PTPN1: variants seen among roughly 807,000 people sequenced by gnomAD.
PTPN1 encodes the protein protein tyrosine phosphatase non-receptor type 1.
PTPN1 carries 12 observed loss-of-function variants against 59.9 expected under a neutral mutation model. The observed-to-expected ratio is 0.20, with a 90% CI of 0.13 to 0.32. PTPN1 has a LOEUF of 0.32. Ranked by LOEUF, PTPN1 falls within the 10% of genes least tolerant of loss-of-function variation. The probability of loss-of-function intolerance (pLI) is 1.00; values close to 1 mark genes in which losing one functional copy is unlikely to be tolerated. For missense variants in PTPN1, 356 were observed against 549.2 expected (o/e 0.65, Z 3.52); for synonymous variants, 178 against 203.6 (o/e 0.87, Z 1.07).
chr20:50,542,511 TG>T (rs2082657462), intron 1 of PTPN1, among the ~76,000 whole-genome samples: 1 of 152,218 alleles, frequency 6.6e-6, no homozygotes, highest in African/African-American at 2.4e-5. Flanking sequence ...CTAACTTAGA[TG>T]TTGTCATTTC....
intron 1 of PTPN1, among the ~76,000 whole-genome samples, chr20:50,525,308 G>A (rs1266499442): frequency 5.3e-5 from 8 of 151,570 alleles, no homozygotes; most frequent in African/African-American, 1.9e-4. Flanking sequence ...CGATCCGCCC[G>A]CCTCGGCCTC....
chr20:50,548,875 A>G (rs967487773), intron 1 of PTPN1, among the ~76,000 whole-genome samples: 9 of 151,858 alleles, frequency 5.9e-5, no homozygotes, highest in Admixed American at 5.3e-4. Flanking sequence ...GTGCCACCAC[A>G]CCTAGCTAAT....
intron 1 of PTPN1, among the ~76,000 whole-genome samples, chr20:50,518,868 A>G (rs940573349): frequency 6.6e-6 from 1 of 152,198 alleles, no homozygotes; most frequent in African/African-American, 2.4e-5. Flanking sequence ...TTTTTGGAGC[A>G]GTCCCCAGAA....
At chr20:50,536,843 A>G (rs1196500802) in intron 1 of PTPN1, among the ~76,000 whole-genome samples, 2 of 152,178 alleles carry the variant, frequency 1.3e-5, no homozygotes, top group Non-Finnish European at 2.9e-5. Flanking sequence ...TCTTGTTAAG[A>G]AATACTTACT....
chr20:50,517,042 CA>C (rs1432795221), intron 1 of PTPN1, among the ~76,000 whole-genome samples: 1 of 152,156 alleles, frequency 6.6e-6, no homozygotes, highest in Non-Finnish European at 1.5e-5. Context: ...TTGACATAAT[CA>C]TGAGTATCTT....
At chr20:50,540,815 C>A (rs1026667631) in intron 1 of PTPN1, among the ~76,000 whole-genome samples, 8 of 152,180 alleles carry the variant, frequency 5.3e-5, no homozygotes, top group Non-Finnish European at 8.8e-5. Context: ...GTGCTTGCCA[C>A]CCCTGCCTGA....
rs1475375454 is a variant in PTPN1, at chr20:50,581,465, G to A, written c.1284+5G>A. ...GGCGCTTACCTCTGCTACAGGGTAT[G>A]TTTCCACTGACAGACGCGCTGGCGA... On this transcript the variant is annotated splice_donor_5th_base_variant and intron_variant, in intron 9 of 9. Transcript: ENST00000371621. The A allele has an allele frequency of 1.6e-5, 25 of 1,594,792 alleles. No individual in the cohort carries two copies. The highest frequency in any genetic ancestry group is 2.1e-5 in the Non-Finnish European group (25 of 1,164,320).
chr20:50,554,044 A>G (rs1413225082), intron 1 of PTPN1, among the ~76,000 whole-genome samples: 1 of 152,174 alleles, frequency 6.6e-6, no homozygotes, highest in Non-Finnish European at 1.5e-5. Context: ...TCCAGGTTTA[A>G]TGAAAACTAT....
intron 8 of PTPN1, among the ~76,000 whole-genome samples, chr20:50,580,408 G>A (rs1187752730): frequency 1.3e-5 from 2 of 152,168 alleles, no homozygotes; most frequent in African/African-American, 4.8e-5. Flanking sequence ...TATGTGTGGT[G>A]TACTGAGTTA....
chr20:50,579,438 A>G lies in PTPN1; in HGVS notation c.864+109A>G, dbSNP rs563065797. On this transcript the variant is annotated intron_variant, in intron 7 of 9. Transcript: ENST00000371621. ...AACACCGTCTGGTGTCAGGGGAAAT[A>G]GCTACCCTTCATGTTTAAAATAGCT... is the stretch of plus-strand genomic sequence containing the variant. The G allele has an allele frequency of 2.3e-5, 29 of 1,282,082 alleles. No individual in the cohort carries two copies. The African/African-American group carries it at 4.2e-4, about 18-fold the overall frequency. 79.4% of individuals were successfully genotyped at this position (1,282,082 alleles called of 1,614,324 possible). A position where few individuals can be genotyped will look rare whatever the true frequency, so the allele number is the denominator to read the frequency against.
At chr20:50,574,704 C>A (rs758003648) in intron 5 of PTPN1, 50 bp downstream of exon 5, 2 of 1,548,880 alleles carry the variant, frequency 1.3e-6, no homozygotes, top group South Asian at 2.4e-5. Flanking sequence ...GGTTCACATG[C>A]CTCTTCCTTT....
intron 5 of PTPN1, chr20:50,578,067 G>T: frequency 5.3e-6 from 1 of 187,292 alleles, no homozygotes. Flanking sequence ...AGGGCTTTAT[G>T]ACAAGATTTT....
At chr20:50,530,175 A>AT (rs781236833) in intron 1 of PTPN1, among the ~76,000 whole-genome samples, 6,246 of 121,052 alleles carry the variant, frequency 0.052, 202 homozygotes, top group Middle Eastern at 0.075. Context: ...TGCCTGGCTG[A>AT]TTTTTTTTTT....
intron 1 of PTPN1, among the ~76,000 whole-genome samples, chr20:50,556,520 T>C (rs920367018): frequency 2.6e-5 from 4 of 152,224 alleles, no homozygotes; most frequent in Non-Finnish European, 5.9e-5. Flanking sequence ...TTCTCTAGTA[T>C]GAGTCAAAAA....
intron 3 of PTPN1, 68 bp downstream of exon 3, chr20:50,565,137 C>T: frequency 6.8e-7 from 1 of 1,471,858 alleles, no homozygotes; most frequent in Non-Finnish European, 9.2e-7. Flanking sequence ...TTATCCACAC[C>T]TCAAATAAAA....
chr20:50,520,136 C>G (rs575569132), intron 1 of PTPN1, among the ~76,000 whole-genome samples: 13 of 152,210 alleles, frequency 8.5e-5, no homozygotes, highest in African/African-American at 3.1e-4. Flanking sequence ...CTTTGGGAGG[C>G]CGAGGTGGGT....
intron 1 of PTPN1, among the ~76,000 whole-genome samples, chr20:50,545,906 G>A (rs1014909704): frequency 2.0e-5 from 3 of 151,124 alleles, no homozygotes; most frequent in Non-Finnish European, 2.9e-5. Flanking sequence ...AACGTAGTGC[G>A]TGGTGCCTGT....
Position 50,579,859 on chromosome 20 carries a change from G to A in PTPN1, c.1021G>A (p.Asp341Asn), listed in dbSNP as rs377517343. The A allele has an allele frequency of 7.4e-6, 12 of 1,614,056 alleles. No homozygotes were observed. In the East Asian group the frequency reaches 8.9e-5, roughly 12 times the overall value. ...HQWVKEETQE[D>N]KDCPIKEEKG... The stretch of plus-strand genomic sequence containing the variant: ...GTGGGTGAAGGAAGAGACCCAGGAG[G>A]ATAAAGACTGCCCCATCAAGGAAGA... Residue 341 changes from aspartate (D) to asparagine (N), a missense_variant, in exon 8 of 10, where the codon GAT becomes AAT. Physicochemically the swap from Asp to Asn is conservative, Grantham distance 23. Coordinates refer to ENST00000371621, the MANE Select transcript of PTPN1 (RefSeq NM_002827.4).
intron 2 of PTPN1, among the ~76,000 whole-genome samples, chr20:50,563,879 A>G (rs2082765595): frequency 6.6e-6 from 1 of 151,630 alleles, no homozygotes; most frequent in Admixed American, 6.6e-5. Context: ...ATGATACAAG[A>G]AAAAAAAAGT....
Sources: allele counts gnomAD v4.1 joint callset (sites outside exome capture counted in the v4.1 genomes callset), GRCh38; gene constraint gnomAD v4.1.1; transcripts MANE v1.5; gene names NCBI Gene and HGNC (gene_info 2026-07-23, HGNC 2026-07-21).